The following COL25A1 variants were observed in gnomAD, a reference collection of about 807,000 sequenced individuals.
The protein encoded by COL25A1 is collagen alpha-1(XXV) chain.
COL25A1 carries 103 observed loss-of-function variants against 128.4 expected under a neutral mutation model. The ratio of observed to expected loss-of-function variants is 0.80; its 90% CI spans 0.68 to 0.94. COL25A1 has a LOEUF of 0.94. Ranked by LOEUF, COL25A1 falls within the 40% of genes least tolerant of loss-of-function variation. The pLI is 0.00. For synonymous variants in COL25A1, 279 were observed against 277.2 expected (o/e 1.01, Z -0.06); for missense variants, 745 against 840.0 (o/e 0.89, Z 1.40).
intron 5 of COL25A1, among the ~76,000 whole-genome samples, chr4:109,020,723 T>C (rs1024474090): frequency 2.0e-5 from 3 of 152,210 alleles, no homozygotes; most frequent in Non-Finnish European, 1.5e-5. Context: ...ATGTGGAACA[T>C]AAGTAAAAAA....
intron 3 of COL25A1, among the ~76,000 whole-genome samples, chr4:109,114,827 C>G (rs776942234): frequency 2.6e-5 from 4 of 152,022 alleles, no homozygotes; most frequent in Non-Finnish European, 5.9e-5. Context: ...TGTGGTAGTA[C>G]TACATAATCA....
intron 3 of COL25A1, among the ~76,000 whole-genome samples, chr4:109,158,919 T>C (rs142186649): frequency 1.3e-5 from 2 of 152,324 alleles, no homozygotes; most frequent in East Asian, 3.9e-4. Context: ...AACACTCTAA[T>C]ATTGCTTCCC....
intron 27 of COL25A1, among the ~76,000 whole-genome samples, chr4:108,847,962 CA>C (rs1465532445): frequency 6.6e-6 from 1 of 152,060 alleles, no homozygotes; most frequent in East Asian, 1.9e-4. Flanking sequence ...ATCAAGAAAA[CA>C]CTAAAGATCT....
At chr4:109,131,554 G>T (rs919620457) in intron 3 of COL25A1, among the ~76,000 whole-genome samples, 1 of 152,154 alleles carries the variant, frequency 6.6e-6, no homozygotes, top group South Asian at 2.1e-4. Flanking sequence ...AGGAAAATAC[G>T]GTGAGGGGGA....
chr4:108,818,786 G>A (rs1901679), intron 36 of COL25A1, among the ~76,000 whole-genome samples: 76,691 of 151,802 alleles, frequency 0.51, 20,261 homozygotes, highest in African/African-American at 0.68. Flanking sequence ...AACACTTGAC[G>A]ACAGAAGCTG....
chr4:109,219,146 A>C (rs910933022), intron 3 of COL25A1, among the ~76,000 whole-genome samples: 13 of 152,168 alleles, frequency 8.5e-5, no homozygotes, highest in Non-Finnish European at 1.5e-4. Context: ...AAAAGCAAGT[A>C]AGTCAGTCTG....
chr4:108,866,170 T>C (rs978031313), intron 20 of COL25A1, among the ~76,000 whole-genome samples: 3 of 151,586 alleles, frequency 2.0e-5, no homozygotes, highest in Admixed American at 2.0e-4. Flanking sequence ...TCTAAAATAT[T>C]CTGACTATAG....
chr4:108,982,595 A>G (rs1281066019), intron 6 of COL25A1, among the ~76,000 whole-genome samples: 1 of 152,204 alleles, frequency 6.6e-6, no homozygotes, highest in Admixed American at 6.5e-5. Flanking sequence ...CGTGTTTATT[A>G]TAGTGTCAAA....
intron 3 of COL25A1, among the ~76,000 whole-genome samples, chr4:109,286,232 A>T (rs1033027774): frequency 1.3e-5 from 2 of 152,166 alleles, no homozygotes; most frequent in African/African-American, 2.4e-5. Flanking sequence ...TTTAATTCAA[A>T]TTTTTGCATT....
intron 5 of COL25A1, among the ~76,000 whole-genome samples, chr4:109,041,656 G>T (rs756354469): frequency 1.1e-4 from 17 of 152,136 alleles, no homozygotes; most frequent in Non-Finnish European, 1.6e-4. Flanking sequence ...CTTACAGTTA[G>T]GTATGAACAT....
At chr4:109,091,044 CA>C (rs1249427670) in intron 3 of COL25A1, among the ~76,000 whole-genome samples, 1 of 152,132 alleles carries the variant, frequency 6.6e-6, no homozygotes, top group East Asian at 1.9e-4. Flanking sequence ...ACAAATTTGG[CA>C]ACATCTCCTG....
intron 11 of COL25A1, among the ~76,000 whole-genome samples, chr4:108,931,406 C>T (rs1365685653): frequency 6.6e-6 from 1 of 152,092 alleles, no homozygotes; most frequent in South Asian, 2.1e-4. Context: ...AATAATAGAG[C>T]TGATTCACAG....
intron 26 of COL25A1, 48 bp downstream of exon 26, chr4:108,852,188 T>C (rs1446612485): frequency 2.9e-6 from 4 of 1,394,990 alleles, no homozygotes; most frequent in Non-Finnish European, 4.0e-6. Context: ...TAATACGGTA[T>C]TCCCTGCACT....
intron 3 of COL25A1, among the ~76,000 whole-genome samples, chr4:109,269,187 G>A (rs1483445971): frequency 6.6e-6 from 1 of 150,408 alleles, no homozygotes; most frequent in Non-Finnish European, 1.5e-5. Flanking sequence ...GCGGTGTTTG[G>A]TTTTTTGTTC....
At chr4:108,954,368 G>A (rs945673565) in intron 8 of COL25A1, among the ~76,000 whole-genome samples, 1 of 152,008 alleles carries the variant, frequency 6.6e-6, no homozygotes, top group African/African-American at 2.4e-5. Flanking sequence ...ATTAAATAGT[G>A]TATCACATGC....
chr4:108,955,425 G>A (rs1193567465), intron 8 of COL25A1, among the ~76,000 whole-genome samples: 1 of 152,090 alleles, frequency 6.6e-6, no homozygotes, highest in Non-Finnish European at 1.5e-5. Flanking sequence ...GTCAACTTTT[G>A]TACAAGGCGT....
Position 109,183,313 on chromosome 4 carries a change from A to C in COL25A1, c.367+117270T>G, listed in dbSNP as rs151044719. On this transcript the variant is annotated intron_variant, in intron 3 of 37. Coordinates refer to ENST00000399132, the MANE Select transcript of COL25A1 (RefSeq NM_198721.4). ...CTACAAAGGAGAAAAAAGAGAAGAC[A>C]ATGAAAAAAGAGAAAAACTGAAGAC... Among the ~76,000 whole-genome samples, 5 of 152,248 alleles carry C rather than the reference A, an allele frequency of 3.3e-5. No individual in the cohort carries two copies. In the East Asian group the frequency reaches 5.8e-4, roughly 18 times the overall value.
intron 19 of COL25A1, among the ~76,000 whole-genome samples, chr4:108,875,109 C>A (rs548934958): frequency 6.6e-6 from 1 of 152,206 alleles, no homozygotes; most frequent in South Asian, 2.1e-4. Flanking sequence ...AGAGACAGAT[C>A]TGAGATCACT....
chr4:109,085,201 C>T (rs572005564), intron 3 of COL25A1, among the ~76,000 whole-genome samples: 1 of 152,302 alleles, frequency 6.6e-6, no homozygotes, highest in East Asian at 1.9e-4. Flanking sequence ...GGACTGAGTC[C>T]TGCATCTAAA....
Sources: allele counts gnomAD v4.1 joint callset (sites outside exome capture counted in the v4.1 genomes callset), GRCh38; gene constraint gnomAD v4.1.1; transcripts MANE v1.5; gene names NCBI Gene and HGNC (gene_info 2026-07-23, HGNC 2026-07-21).